Variants in METTL15 observed in about 807,000 individuals in gnomAD.
METTL15 encodes the protein methyltransferase 15, mitochondrial 12S rRNA N4-cytidine.
Under a neutral mutation model 38.3 loss-of-function variants are expected in METTL15, and 34 were observed. The ratio of observed to expected loss-of-function variants is 0.89; its 90% CI spans 0.68 to 1.18. METTL15 has a LOEUF of 1.18. Ranked by LOEUF, METTL15 falls within the 50% of genes most tolerant of loss-of-function variation. The pLI is 0.00. For synonymous variants in METTL15, 162 were observed against 170.9 expected, an observed-to-expected ratio of 0.95 and a Z score of 0.41; for missense variants, 438 against 498.4, an observed-to-expected ratio of 0.88 and a Z score of 1.15.
chr11:28,298,451 G>A (rs1442398002), intron 6 of METTL15, among the ~76,000 whole-genome samples: 2 of 152,054 alleles, frequency 1.3e-5, no homozygotes, highest in African/African-American at 4.8e-5. Context: ...GGCTCAGGGA[G>A]GGTCAATAGC....
At chr11:28,392,831 A>T (rs1466661500) in intron 5 of METTL15, among the ~76,000 whole-genome samples, 1 of 152,112 alleles carries the variant, frequency 6.6e-6, no homozygotes, top group Non-Finnish European at 1.5e-5. Context: ...ACCAATTAAA[A>T]ACTGGGGAAA....
intron 4 of METTL15, among the ~76,000 whole-genome samples, chr11:28,217,232 T>C (rs1193777004): frequency 6.6e-6 from 1 of 151,490 alleles, no homozygotes; most frequent in East Asian, 1.9e-4. Context: ...TGTTGTTTCC[T>C]GACTTTTTAA....
At chr11:28,110,016 G>C (rs1345690723) in intron 1 of METTL15, 150 bp from the exon 2 acceptor site, 1 of 152,204 alleles carries the variant, frequency 6.6e-6, no homozygotes, top group African/African-American at 2.4e-5. Flanking sequence ...CAGAATACAA[G>C]TTTAATATAC....
chr11:28,124,208 A>T (rs1393616910), intron 3 of METTL15, among the ~76,000 whole-genome samples: 2 of 152,058 alleles, frequency 1.3e-5, no homozygotes. Flanking sequence ...CTCAAACCTA[A>T]GTGTTCTTAT....
intron 6 of METTL15, among the ~76,000 whole-genome samples, chr11:28,511,082 A>G (rs921897603): frequency 1.1e-4 from 16 of 152,178 alleles, no homozygotes; most frequent in Non-Finnish European, 1.8e-4. Context: ...ATATTTTAAA[A>G]GTACTGGGAA....
At chr11:28,312,261 C>A (rs1457461482) in intron 6 of METTL15, among the ~76,000 whole-genome samples, 6 of 152,126 alleles carry the variant, frequency 3.9e-5, no homozygotes, top group Non-Finnish European at 5.9e-5. Flanking sequence ...ATTTCTGTTG[C>A]CCAATTATTG....
At chr11:28,246,307 A>T (rs956150430) in intron 4 of METTL15, among the ~76,000 whole-genome samples, 1 of 152,172 alleles carries the variant, frequency 6.6e-6, no homozygotes, top group Non-Finnish European at 1.5e-5. Context: ...TATGTGTATT[A>T]TGTGTCAATA....
chr11:28,152,620 G>C (rs569358807), intron 3 of METTL15, among the ~76,000 whole-genome samples: 1 of 151,906 alleles, frequency 6.6e-6, no homozygotes. Flanking sequence ...TGTCCATGAG[G>C]GATTGGTTCC....
At chr11:28,241,043 T>C (rs1010361620) in intron 4 of METTL15, among the ~76,000 whole-genome samples, 1 of 152,154 alleles carries the variant, frequency 6.6e-6, no homozygotes, top group Admixed American at 6.5e-5. Context: ...AGGAAAAAGG[T>C]CATTTGCTCA....
intron 3 of METTL15, among the ~76,000 whole-genome samples, chr11:28,348,581 C>A (rs996015916): frequency 1.3e-5 from 2 of 152,024 alleles, no homozygotes; most frequent in African/African-American, 4.8e-5. Flanking sequence ...GTTGCCCAGG[C>A]TGGTCTCGAA....
intron 3 of METTL15, among the ~76,000 whole-genome samples, chr11:28,159,179 C>T (rs1218900914): frequency 6.6e-6 from 1 of 152,036 alleles, no homozygotes; most frequent in African/African-American, 2.4e-5. Flanking sequence ...TTGGGTTCCT[C>T]CTACCTTTAA....
intron 3 of METTL15, among the ~76,000 whole-genome samples, chr11:28,165,888 A>G (rs1412485169): frequency 6.6e-6 from 1 of 152,072 alleles, no homozygotes; most frequent in African/African-American, 2.4e-5. Flanking sequence ...CAGTTTTTCC[A>G]ACACCATTTG....
At chr11:28,339,311 C>A (rs949587800) in intron 3 of METTL15, among the ~76,000 whole-genome samples, 5 of 151,856 alleles carry the variant, frequency 3.3e-5, no homozygotes, top group Non-Finnish European at 1.5e-5. Flanking sequence ...AAAAAAGATA[C>A]CCATGAGGGA....
intron 6 of METTL15, among the ~76,000 whole-genome samples, chr11:28,324,365 A>G (rs1849565223): frequency 6.6e-6 from 1 of 152,230 alleles, no homozygotes; most frequent in Non-Finnish European, 1.5e-5. Context: ...CAAAAGAAAT[A>G]TGCAAAACCA....
chr11:28,359,819 C>T (rs1190257722), intron 4 of METTL15, among the ~76,000 whole-genome samples: 2 of 152,162 alleles, frequency 1.3e-5, no homozygotes, highest in Non-Finnish European at 2.9e-5. Flanking sequence ...AGATCATTTA[C>T]ACTGTGATAT....
rs753720405 is a variant in METTL15, at chr11:28,170,911, G to C, written c.271-40151G>C. Among the ~76,000 whole-genome samples, 4 of 152,216 alleles carry C rather than the reference G, an allele frequency of 2.6e-5. No individual in the cohort carries two copies. The South Asian group carries it at 6.2e-4, about 24-fold the overall frequency. On this transcript the variant is annotated intron_variant, in intron 3 of 6. Coordinates refer to ENST00000407364, the MANE Select transcript of METTL15 (RefSeq NM_001113528.2). ...TGACTTACAATGCCTAACCTCCTGT[G>C]TTTCAGCCTTATTGTACCCAGCCCC...
intron 3 of METTL15, among the ~76,000 whole-genome samples, chr11:28,166,385 A>G (rs1412675782): frequency 6.6e-6 from 1 of 152,112 alleles, no homozygotes; most frequent in Non-Finnish European, 1.5e-5. Context: ...TTATGGTTTC[A>G]TTTGGTTAGT....
At chr11:28,108,939 G>A (rs1851600501) in intron 1 of METTL15, among the ~76,000 whole-genome samples, 1 of 152,128 alleles carries the variant, frequency 6.6e-6, no homozygotes, top group South Asian at 2.1e-4. Context: ...ACTTTATTTG[G>A]CAGGGTGTTT....
chr11:28,190,402 A>G (rs1045459819), intron 3 of METTL15, among the ~76,000 whole-genome samples: 1 of 151,220 alleles, frequency 6.6e-6, no homozygotes, highest in Non-Finnish European at 1.5e-5. Context: ...TTTACTTGTC[A>G]TGGTGTTAAG....
Sources: gnomAD v4.1 joint callset for allele counts (sites outside exome capture counted in the v4.1 genomes callset) on GRCh38, gnomAD v4.1.1 for gene constraint, MANE v1.5 for transcripts, NCBI Gene and HGNC (gene_info 2026-07-23, HGNC 2026-07-21) for gene names.